PRKCE: variants seen among roughly 807,000 people sequenced by gnomAD.
PRKCE encodes protein kinase C epsilon type.
PRKCE carries 16 observed loss-of-function variants against 85.4 expected under a neutral mutation model. That is an observed-to-expected ratio of 0.19 (90% CI 0.13 to 0.28). The LOEUF (loss-of-function observed/expected upper bound fraction) is 0.28, where lower values mean the gene tolerates loss of function less well. Ranked by LOEUF, PRKCE falls within the 10% of genes least tolerant of loss-of-function variation. The pLI is 1.00. For synonymous variants in PRKCE, 388 were observed against 371.5 expected, an observed-to-expected ratio of 1.04 and a Z score of -0.51; for missense variants, 573 against 975.2, an observed-to-expected ratio of 0.59 and a Z score of 5.49.
chr2:46,028,524 G>A (rs1322969616), intron 10 of PRKCE, among the ~76,000 whole-genome samples: 2 of 152,012 alleles, frequency 1.3e-5, no homozygotes, highest in South Asian at 2.1e-4. Context: ...TATTCTATAG[G>A]GGACATAGCA....
chr2:45,941,850 C>A (rs1161014438), intron 2 of PRKCE, among the ~76,000 whole-genome samples: 1 of 152,070 alleles, frequency 6.6e-6, no homozygotes, highest in African/African-American at 2.4e-5. Flanking sequence ...GTCATAGATT[C>A]ATTAATTATG....
At chr2:45,998,389 C>T (rs369034504) in intron 6 of PRKCE, among the ~76,000 whole-genome samples, 13 of 152,304 alleles carry the variant, frequency 8.5e-5, no homozygotes, top group East Asian at 3.9e-4. Context: ...TTAAAAATTA[C>T]GTCTTTTTTG....
intron 2 of PRKCE, among the ~76,000 whole-genome samples, chr2:45,973,481 C>A (rs2104511107): frequency 6.6e-6 from 1 of 152,304 alleles, no homozygotes; most frequent in East Asian, 1.9e-4. Context: ...GACATCAAAT[C>A]TGACTTAAAA....
intron 10 of PRKCE, among the ~76,000 whole-genome samples, chr2:46,014,587 A>T (rs1361057349): frequency 3.3e-5 from 5 of 152,206 alleles, no homozygotes; most frequent in Admixed American, 3.3e-4. Flanking sequence ...ATACATCCAC[A>T]GTTGTTTCTT....
chr2:45,925,368 C>G (rs927924283), intron 2 of PRKCE, among the ~76,000 whole-genome samples: 1 of 152,128 alleles, frequency 6.6e-6, no homozygotes, highest in Non-Finnish European at 1.5e-5. Context: ...ATGATCTTGG[C>G]TCCCTGCAAA....
chr2:46,179,665 G>T (rs768114481), intron 14 of PRKCE, among the ~76,000 whole-genome samples: 1 of 152,130 alleles, frequency 6.6e-6, no homozygotes, highest in African/African-American at 2.4e-5. Flanking sequence ...CCAAACCCTG[G>T]TCGAACCTGT....
chr2:45,966,138 T>C (rs894138481), intron 2 of PRKCE, among the ~76,000 whole-genome samples: 2 of 152,202 alleles, frequency 1.3e-5, no homozygotes, highest in African/African-American at 4.8e-5. Context: ...GTTGGCTGCA[T>C]GGCCTTTCAC....
chr2:46,143,172 A>G (rs1010531277), intron 11 of PRKCE, among the ~76,000 whole-genome samples: 17 of 152,198 alleles, frequency 1.1e-4, no homozygotes, highest in African/African-American at 4.1e-4. Flanking sequence ...AGAGCTATGC[A>G]ATGGAACTGT....
intron 3 of PRKCE, among the ~76,000 whole-genome samples, chr2:45,977,480 T>C (rs1052785742): frequency 6.6e-6 from 1 of 151,736 alleles, no homozygotes; most frequent in Non-Finnish European, 1.5e-5. Flanking sequence ...CTACTAAAAA[T>C]ACAAAAATTA....
intron 1 of PRKCE, among the ~76,000 whole-genome samples, chr2:45,810,281 T>A (rs2105258480): frequency 6.6e-6 from 1 of 152,152 alleles, no homozygotes; most frequent in South Asian, 2.1e-4. Flanking sequence ...CCTCAGGTGA[T>A]CCACCCGCCT....
intron 10 of PRKCE, among the ~76,000 whole-genome samples, chr2:46,043,703 G>A (rs975782991): frequency 2.0e-5 from 3 of 152,170 alleles, no homozygotes; most frequent in Non-Finnish European, 4.4e-5. Context: ...AAGGTGAAAA[G>A]GGGGTTTCTG....
intron 2 of PRKCE, among the ~76,000 whole-genome samples, chr2:45,871,519 T>TA (rs552871782): frequency 5.9e-4 from 90 of 152,338 alleles, no homozygotes; most frequent in African/African-American, 2.1e-3. Flanking sequence ...GCAAGAGCAA[T>TA]AAAAATATCT....
chr2:45,911,224 T>C (rs1477521340), intron 2 of PRKCE, among the ~76,000 whole-genome samples: 1 of 152,200 alleles, frequency 6.6e-6, no homozygotes, highest in African/African-American at 2.4e-5. Context: ...TAGGAAGAGC[T>C]GGGTTTATTT....
At chr2:45,751,809 A>ATTTTTTTTTTTTTTTTTTTTTTTTTTTT (rs34589907) in intron 1 of PRKCE, among the ~76,000 whole-genome samples, 2 of 78,506 alleles carry the variant, frequency 2.5e-5, no homozygotes, top group Non-Finnish European at 4.7e-5. Context: ...GCTAACCACT[A>ATTTTTTTTTTTTTTTTTTTTTTTTTTTT]TTTTTTTTTT....
chr2:45,928,162 A>G lies in PRKCE; in HGVS notation c.413-48267A>G, dbSNP rs117038591. On this transcript the variant is annotated intron_variant, in intron 2 of 14. Transcript: ENST00000306156. ...TTCTAGTTGTTCTGTGTTGTGATCT[A>G]TGGGAAGAGGTGGCTGAGTCCCAGT... 2.4e-3 allele frequency among the ~76,000 whole-genome samples: 364 copies of G among 152,290 alleles called. 8 individuals are homozygous for G. In the East Asian group the frequency reaches 0.038, roughly 16 times the overall value.
chr2:45,928,690 A>G (rs137912158), intron 2 of PRKCE, among the ~76,000 whole-genome samples: 1 of 152,338 alleles, frequency 6.6e-6, no homozygotes, highest in East Asian at 1.9e-4. Flanking sequence ...TAGAATGGCA[A>G]GAATCGAGAC....
chr2:45,711,958 A>G (rs1211132079), intron 1 of PRKCE, among the ~76,000 whole-genome samples: 1 of 151,616 alleles, frequency 6.6e-6, no homozygotes, highest in African/African-American at 2.4e-5. Flanking sequence ...TATGTCCTAT[A>G]AAGGAGGCAG....
At chr2:45,663,834 G>C (rs1448431410) in intron 1 of PRKCE, among the ~76,000 whole-genome samples, 1 of 151,674 alleles carries the variant, frequency 6.6e-6, no homozygotes, top group Non-Finnish European at 1.5e-5. Context: ...TTTGTGTTAT[G>C]AGGGCAGTCA....
chr2:45,913,846 C>T (rs2103855139), intron 2 of PRKCE, among the ~76,000 whole-genome samples: 2 of 152,326 alleles, frequency 1.3e-5, no homozygotes. Flanking sequence ...CACAATGTGA[C>T]CTCTCATCCA....
Sources: allele counts gnomAD v4.1 joint callset (sites outside exome capture counted in the v4.1 genomes callset), GRCh38; gene constraint gnomAD v4.1.1; transcripts MANE v1.5; gene names NCBI Gene and HGNC (gene_info 2026-07-23, HGNC 2026-07-21).